Variants in CACNB2 observed in about 807,000 individuals in gnomAD.
CACNB2 encodes the protein calcium voltage-gated channel auxiliary subunit beta 2.
In CACNB2, 42 loss-of-function variants were observed where a neutral mutation model predicts 73.3. That is an observed-to-expected ratio of 0.57 (90% CI 0.45 to 0.74). The LOEUF (loss-of-function observed/expected upper bound fraction) is 0.74, where lower values mean the gene tolerates loss of function less well. Among genes scored for constraint, CACNB2 ranks in the 30% least tolerant of loss-of-function variants. The probability of loss-of-function intolerance (pLI) is 0.00; values close to 1 mark genes in which losing one functional copy is unlikely to be tolerated. For synonymous variants in CACNB2, 348 were observed against 310.3 expected (o/e 1.12, Z -1.28); for missense variants, 940 against 853.0 (o/e 1.10, Z -1.27).
At chr10:18,342,104 C>T (rs1394281051) in intron 2 of CACNB2, among the ~76,000 whole-genome samples, 1 of 152,174 alleles carries the variant, frequency 6.6e-6, no homozygotes, top group African/African-American at 2.4e-5. Flanking sequence ...TGTTTGAGTA[C>T]ATCTGGAATC....
At chr10:18,268,073 C>T (rs953822830) in intron 2 of CACNB2, among the ~76,000 whole-genome samples, 1 of 152,232 alleles carries the variant, frequency 6.6e-6, no homozygotes, top group African/African-American at 2.4e-5. Context: ...ATTCCCACCT[C>T]CCTCTGCATC....
chr10:18,364,372 C>T lies in CACNB2; in HGVS notation c.214-37552C>T, dbSNP rs567112563. 1.3e-5 allele frequency among the ~76,000 whole-genome samples: 2 copies of T among 151,542 alleles called. 1 individual carries two copies. Among genetic ancestry groups the T allele is most frequent in the South Asian group, 4.2e-4 (2 of 4,778 alleles). On this transcript the variant is annotated intron_variant, in intron 2 of 13. Transcript: ENST00000324631. ...CTGGAGTGCAGTGGCAAGATCTCGG[C>T]TCATTGTAACTTCCGTCTTCCGGGT...
At chr10:18,286,893 G>A (rs186316146) in intron 2 of CACNB2, among the ~76,000 whole-genome samples, 3 of 152,296 alleles carry the variant, frequency 2.0e-5, no homozygotes, top group Non-Finnish European at 4.4e-5. Flanking sequence ...TCACATTCAA[G>A]TTCATGACCC....
intron 2 of CACNB2, among the ~76,000 whole-genome samples, chr10:18,248,631 A>G (rs2036961679): frequency 6.6e-6 from 1 of 152,224 alleles, no homozygotes; most frequent in African/African-American, 2.4e-5. Flanking sequence ...ACATATCTTA[A>G]AAGAGAATGT....
chr10:18,412,307 T>C (rs1326418721), intron 3 of CACNB2, among the ~76,000 whole-genome samples: 1 of 152,244 alleles, frequency 6.6e-6, no homozygotes, highest in Non-Finnish European at 1.5e-5. Flanking sequence ...AACCACTTTC[T>C]GCAAACAACC....
intron 3 of CACNB2, among the ~76,000 whole-genome samples, chr10:18,412,112 G>C (rs933428633): frequency 6.6e-6 from 1 of 152,108 alleles, no homozygotes; most frequent in Non-Finnish European, 1.5e-5. Context: ...CCTCCAACAG[G>C]CTGGCTAGGG....
intron 3 of CACNB2, among the ~76,000 whole-genome samples, chr10:18,415,418 A>G (rs2044889394): frequency 6.6e-6 from 1 of 151,998 alleles, no homozygotes; most frequent in African/African-American, 2.4e-5. Flanking sequence ...ATAAGCTATA[A>G]CTGCACCAAT....
chr10:18,321,811 G>GC (rs1388322607), intron 2 of CACNB2, among the ~76,000 whole-genome samples: 1 of 152,038 alleles, frequency 6.6e-6, no homozygotes, highest in Non-Finnish European at 1.5e-5. Context: ...TTTGCCCTCT[G>GC]CCCCTCTTTT....
chr10:18,265,002 TC>T (rs887217365), intron 2 of CACNB2, among the ~76,000 whole-genome samples: 1 of 152,012 alleles, frequency 6.6e-6, no homozygotes, highest in East Asian at 1.9e-4. Context: ...CCTGTGTGCC[TC>T]CCCCCTACAC....
chr10:18,407,385 G>A (rs983144248), intron 3 of CACNB2, among the ~76,000 whole-genome samples: 6 of 151,954 alleles, frequency 3.9e-5, no homozygotes, highest in African/African-American at 1.5e-4. Context: ...GTCTCCCAGA[G>A]TGCTAGGCTT....
At chr10:18,209,710 GCTTTTAGGGCACCATAATATGGT>G (rs1198451012) in intron 2 of CACNB2, among the ~76,000 whole-genome samples, 1 of 151,918 alleles carries the variant, frequency 6.6e-6, no homozygotes, top group Non-Finnish European at 1.5e-5. Context: ...CGACAAATTT[GCTTTTAGGGCACCATAATATGGT>G]CTTTTTTGAC....
chr10:18,428,125 T>C (rs1441885219), intron 3 of CACNB2, among the ~76,000 whole-genome samples: 1 of 152,196 alleles, frequency 6.6e-6, no homozygotes, highest in East Asian at 1.9e-4. Flanking sequence ...ATAAGTGTGC[T>C]AATTCCCAAA....
intron 3 of CACNB2, among the ~76,000 whole-genome samples, chr10:18,442,982 A>ACG (rs1298905968): frequency 3.2e-4 from 5 of 15,456 alleles, no homozygotes; most frequent in Non-Finnish European, 4.7e-4. Context: ...GTATATATAT[A>ACG]TATGTATATA....
At chr10:18,366,740 A>G (rs2042370951) in intron 2 of CACNB2, among the ~76,000 whole-genome samples, 1 of 151,764 alleles carries the variant, frequency 6.6e-6, no homozygotes, top group African/African-American at 2.4e-5. Context: ...CAGCGAGCGG[A>G]CATTGTGCCA....
At chr10:18,230,576 A>C (rs545262523) in intron 2 of CACNB2, among the ~76,000 whole-genome samples, 1 of 152,364 alleles carries the variant, frequency 6.6e-6, no homozygotes, top group Non-Finnish European at 1.5e-5. Context: ...ATAAGGAACA[A>C]GAATGAAAGG....
At chr10:18,347,699 G>C (rs899693792) in intron 2 of CACNB2, among the ~76,000 whole-genome samples, 9 of 152,008 alleles carry the variant, frequency 5.9e-5, no homozygotes, top group African/African-American at 2.2e-4. Context: ...TCTTTACTTT[G>C]AAGCCTGAGT....
chr10:18,386,642 G>A (rs919050799), intron 2 of CACNB2, among the ~76,000 whole-genome samples: 1 of 151,934 alleles, frequency 6.6e-6, no homozygotes, highest in Non-Finnish European at 1.5e-5. Flanking sequence ...TCCTGACCTC[G>A]TGATCCACCC....
chr10:18,220,883 A>T (rs1171024094), intron 2 of CACNB2, among the ~76,000 whole-genome samples: 1 of 152,208 alleles, frequency 6.6e-6, no homozygotes, highest in Non-Finnish European at 1.5e-5. Flanking sequence ...GTCCGTGGGA[A>T]ACTTATCTTC....
At chr10:18,207,267 C>T (rs2035133949) in intron 2 of CACNB2, among the ~76,000 whole-genome samples, 1 of 152,076 alleles carries the variant, frequency 6.6e-6, no homozygotes, top group Non-Finnish European at 1.5e-5. Flanking sequence ...CCTCTGCCTC[C>T]CAAAATGCTG....
Sources: gnomAD v4.1 joint callset for allele counts (sites outside exome capture counted in the v4.1 genomes callset) on GRCh38, gnomAD v4.1.1 for gene constraint, MANE v1.5 for transcripts, NCBI Gene and HGNC (gene_info 2026-07-23, HGNC 2026-07-21) for gene names.